The following ESRRG variants were observed in gnomAD, a reference collection of about 807,000 sequenced individuals.
The protein encoded by ESRRG is estrogen related receptor gamma, also known as estrogen-related receptor gamma.
Under a neutral mutation model 44.0 loss-of-function variants are expected in ESRRG, and 13 were observed. The ratio of observed to expected loss-of-function variants is 0.30; its 90% CI spans 0.19 to 0.47. ESRRG has a LOEUF of 0.47. ESRRG is among the 20% of genes least tolerant of loss of function. The pLI, the probability that ESRRG is intolerant of heterozygous loss-of-function variation, is 1.00. For synonymous variants in ESRRG, 215 were observed against 214.6 expected (o/e 1.00, Z -0.02); for missense variants, 395 against 580.6 (o/e 0.68, Z 3.29).
chr1:216,923,929 CAAA>C (rs1487847963), intron 2 of ESRRG, among the ~76,000 whole-genome samples: 1 of 152,146 alleles, frequency 6.6e-6, no homozygotes, highest in Non-Finnish European at 1.5e-5. Context: ...ATGAATGTAT[CAAA>C]AGGTCTACTC....
intron 2 of ESRRG, among the ~76,000 whole-genome samples, chr1:216,784,347 T>C (rs1195370951): frequency 1.3e-5 from 2 of 152,114 alleles, no homozygotes; most frequent in Non-Finnish European, 2.9e-5. Context: ...AAATAAGTTA[T>C]ACGCAGAGGC....
intron 2 of ESRRG, among the ~76,000 whole-genome samples, chr1:216,764,078 T>A (rs552906848): frequency 1.3e-5 from 2 of 152,288 alleles, no homozygotes; most frequent in African/African-American, 4.8e-5. Context: ...CTCTTGTTAA[T>A]CACACAAATT....
intron 2 of ESRRG, among the ~76,000 whole-genome samples, chr1:216,794,502 A>G (rs1003147186): frequency 6.6e-6 from 1 of 152,224 alleles, no homozygotes; most frequent in African/African-American, 2.4e-5. Flanking sequence ...CACAGGTTAC[A>G]TAAAGGAGTA....
chr1:216,929,631 T>G (rs112332053), intron 2 of ESRRG, among the ~76,000 whole-genome samples: 1,549 of 152,200 alleles, frequency 0.01, 11 homozygotes, highest in Non-Finnish European at 0.015. Flanking sequence ...AATGCAAGGC[T>G]TAGTGCATCA....
chr1:216,891,028 C>G (rs973846482), intron 2 of ESRRG, among the ~76,000 whole-genome samples: 1 of 151,850 alleles, frequency 6.6e-6, no homozygotes, highest in Non-Finnish European at 1.5e-5. Flanking sequence ...GTATCAAGGC[C>G]AAAAATATGG....
intron 2 of ESRRG, among the ~76,000 whole-genome samples, chr1:216,773,338 T>C (rs1476118047): frequency 6.6e-6 from 1 of 152,106 alleles, no homozygotes; most frequent in Non-Finnish European, 1.5e-5. Context: ...CCACCAGAAA[T>C]GCAATGATCC....
intron 5 of ESRRG, among the ~76,000 whole-genome samples, chr1:216,525,177 T>C (rs1365670659): frequency 3.3e-5 from 5 of 152,154 alleles, no homozygotes; most frequent in Admixed American, 2.0e-4. Context: ...CTCAACATGA[T>C]GACAAGAGGT....
At chr1:216,589,771 G>A (rs746807615) in intron 3 of ESRRG, among the ~76,000 whole-genome samples, 25 of 151,922 alleles carry the variant, frequency 1.6e-4, no homozygotes, top group Non-Finnish European at 2.8e-4. Context: ...GGGCATGGTC[G>A]TGTGCACCTG....
rs113482264 is a variant in ESRRG, at chr1:216,521,452, C to CAAA, written c.863-2034_863-2032dup. Reference sequence around the variant, plus strand: ...GAATTTCTTGTGTAAATTAAAATACCAAAAAAAAAAAATCATCTGGAAAGT... The same window carrying CAAA: ...GAATTTCTTGTGTAAATTAAAATACCAAAAAAAAAAAAAAATCATCTGGAAAGT... On this transcript the variant is annotated intron_variant, in intron 5 of 6. Transcript: ENST00000408911. Among the ~76,000 whole-genome samples, 454 of 145,312 alleles carry CAAA rather than the reference C, an allele frequency of 3.1e-3. 5 individuals carry two copies. The highest frequency in any genetic ancestry group is 9.6e-3 in the African/African-American group (383 of 39,702).
At chr1:217,097,418 G>A (rs900601724) in intron 1 of ESRRG, among the ~76,000 whole-genome samples, 1 of 152,150 alleles carries the variant, frequency 6.6e-6, no homozygotes, top group Non-Finnish European at 1.5e-5. Flanking sequence ...GACTTTCCGG[G>A]CAAGAAAATA....
At chr1:216,807,124 G>A (rs1265438867) in intron 2 of ESRRG, among the ~76,000 whole-genome samples, 2 of 152,120 alleles carry the variant, frequency 1.3e-5, no homozygotes, top group Non-Finnish European at 2.9e-5. Flanking sequence ...GCAGACTTAC[G>A]CCATGGTTTG....
chr1:216,901,019 A>G (rs749483328), intron 2 of ESRRG, among the ~76,000 whole-genome samples: 3 of 152,172 alleles, frequency 2.0e-5, no homozygotes, highest in Admixed American at 6.5e-5. Flanking sequence ...AGGCTAGACT[A>G]TGAGAAGCAA....
At chr1:216,875,942 A>AATATCATCATCTAGAATGGATATCAGG (rs1447555219) in intron 2 of ESRRG, among the ~76,000 whole-genome samples, 2 of 152,148 alleles carry the variant, frequency 1.3e-5, no homozygotes, top group African/African-American at 4.8e-5. Flanking sequence ...TTTAGAGGGA[A>AATATCATCATCTAGAATGGATATCAGG]ATATCATCAT....
At chr1:216,991,558 C>T (rs181057562) in intron 1 of ESRRG, among the ~76,000 whole-genome samples, 10 of 147,476 alleles carry the variant, frequency 6.8e-5, no homozygotes, top group Non-Finnish European at 1.2e-4. Context: ...AATATATTCC[C>T]ATTAGAGAAC....
rs115662477 is a variant in ESRRG, at chr1:217,107,136, G to A, written c.-230+30531C>T. ...TCCTCTGACTGATATTAATAGTCTG[G>A]CTTAATCTTAAAATTTGAAAGAAAA... On this transcript the variant is annotated intron_variant, in intron 1 of 8. Transcript: ENST00000366940. Among the ~76,000 whole-genome samples, 1,320 of 152,176 alleles carry A rather than the reference G, an allele frequency of 8.7e-3. 16 individuals carry two copies. The highest frequency in any genetic ancestry group is 0.029 in the African/African-American group (1,214 of 41,510).
rs2075860364 is a variant in ESRRG at position 216,992,496 on chromosome 1, C to T, written c.-105-52823G>A. On this transcript the variant is annotated intron_variant, in intron 1 of 7. Transcript: ENST00000359162. Reference sequence around the variant, plus strand: ...TTTACATTGTTTTGTTCCTCAGTACCCAGCATAGTGCCTGACATAAAGTAA... The same window carrying T: ...TTTACATTGTTTTGTTCCTCAGTACTCAGCATAGTGCCTGACATAAAGTAA... Among the ~76,000 whole-genome samples, 3 of 152,034 alleles carry T rather than the reference C, an allele frequency of 2.0e-5. No homozygotes were observed. In the South Asian group the frequency reaches 6.2e-4, roughly 32 times the overall value.
chr1:216,746,033 G>A (rs1041549541), intron 2 of ESRRG, among the ~76,000 whole-genome samples: 3 of 152,136 alleles, frequency 2.0e-5, no homozygotes, highest in Non-Finnish European at 2.9e-5. Context: ...TTTACTTACA[G>A]TATTTTGCTC....
intron 2 of ESRRG, among the ~76,000 whole-genome samples, chr1:216,785,573 A>C (rs77008813): frequency 0.098 from 14,960 of 152,064 alleles, 991 homozygotes; most frequent in East Asian, 0.2. Context: ...CAAGACAGAA[A>C]CTGAAGAAAG....
chr1:217,080,206 A>G (rs2091633108), intron 1 of ESRRG, among the ~76,000 whole-genome samples: 1 of 152,218 alleles, frequency 6.6e-6, no homozygotes, highest in Non-Finnish European at 1.5e-5. Context: ...TCCCTTAAAG[A>G]GAGGTACTAT....
Sources: allele counts gnomAD v4.1 joint callset (sites outside exome capture counted in the v4.1 genomes callset), GRCh38; gene constraint gnomAD v4.1.1; transcripts MANE v1.5; gene names NCBI Gene and HGNC (gene_info 2026-07-23, HGNC 2026-07-21).